MTR: variants seen among roughly 807,000 people sequenced by gnomAD.
MTR encodes the protein 5-methyltetrahydrofolate-homocysteine methyltransferase, also known as methionine synthase.
Under a neutral mutation model 154.8 loss-of-function variants are expected in MTR, and 84 were observed. The observed-to-expected ratio is 0.54, with a 90% CI of 0.45 to 0.65. The LOEUF is 0.65. Ranked by LOEUF, MTR falls within the 30% of genes least tolerant of loss-of-function variation. The pLI is 0.00. For synonymous variants in MTR, 554 were observed against 553.9 expected (o/e 1.00, Z 0.00); for missense variants, 1,275 against 1,570.2 (o/e 0.81, Z 3.18).
intron 13 of MTR, among the ~76,000 whole-genome samples, chr1:236,833,211 T>G (rs1662715102): frequency 6.6e-6 from 1 of 152,228 alleles, no homozygotes; most frequent in Non-Finnish European, 1.5e-5. Context: ...CCTAGCCATA[T>G]AGTGTTCTTC....
At chr1:236,893,356 G>C (rs1273124186) in intron 29 of MTR, among the ~76,000 whole-genome samples, 1 of 152,198 alleles carries the variant, frequency 6.6e-6, no homozygotes, top group Non-Finnish European at 1.5e-5. Flanking sequence ...TGTGAAGTGT[G>C]TGGGTTGGCC....
chr1:236,863,582 C>A, intron 22 of MTR, 28 bp downstream of exon 22: 1 of 1,578,756 alleles, frequency 6.3e-7, no homozygotes, highest in Non-Finnish European at 8.7e-7. Flanking sequence ...CTCTTTCAAC[C>A]CCTTTTCCAT....
chr1:236,892,780 C>A (rs536905256), intron 29 of MTR, among the ~76,000 whole-genome samples: 1 of 152,312 alleles, frequency 6.6e-6, no homozygotes, highest in East Asian at 1.9e-4. Context: ...ACAGACATAA[C>A]TGTTCAAAAA....
intron 22 of MTR, among the ~76,000 whole-genome samples, chr1:236,869,225 A>G (rs191510392): frequency 6.6e-6 from 1 of 152,362 alleles, no homozygotes; most frequent in Non-Finnish European, 1.5e-5. Flanking sequence ...TTTGTCTTAC[A>G]TTACAGTATT....
At chr1:236,885,255 T>C (rs1665952190) in intron 26 of MTR, 36 bp downstream of exon 26, 1 of 1,334,578 alleles carries the variant, frequency 7.5e-7, no homozygotes, top group Non-Finnish European at 1.1e-6. Context: ...TTGTTTTTAA[T>C]GTGACTGTTT....
Position 236,890,791 on chromosome 1 carries a change from C to T in MTR, c.3008-342C>T, listed in dbSNP as rs138106913. Among the ~76,000 whole-genome samples, 12 of 152,300 alleles carry T rather than the reference C, an allele frequency of 7.9e-5. No homozygotes were observed. The East Asian group carries it at 2.1e-3, about 27-fold the overall frequency. ...CAAAGTCAGTGGAGTTGTATGTGCA[C>T]GAGGAATGTCAGTGAGGAATGTGGC... On this transcript the variant is annotated intron_variant, in intron 28 of 32. Transcript: ENST00000366577.
intron 18 of MTR, among the ~76,000 whole-genome samples, chr1:236,858,082 C>T (rs138198412): frequency 2.0e-5 from 3 of 152,196 alleles, no homozygotes; most frequent in Non-Finnish European, 4.4e-5. Context: ...TGAAGCTTGT[C>T]GGGAATGGCA....
In MTR at chr1:236,901,748, A is replaced by G. The variant is rs372170880; in HGVS notation, c.*4104A>G. ...AAGCTTGCTCTCTGGCCTCCTCTTA[A>G]AAAGGCACTAATCCCATTCATGAGG... On this transcript the variant is annotated 3_prime_UTR_variant, in exon 33 of 33. Coordinates refer to ENST00000366577, the MANE Select transcript of MTR (RefSeq NM_000254.3). 1 of 152,134 alleles carries G rather than the reference A, an allele frequency of 6.6e-6. No individual in the cohort carries two copies. The highest frequency in any genetic ancestry group is 1.5e-5 in the Non-Finnish European group (1 of 68,028). The allele number at this position is 152,134 out of a possible 1,614,324, so 9.4% of individuals were successfully genotyped here. A position where few individuals can be genotyped will look rare whatever the true frequency, so the allele number is the denominator to read the frequency against.
chr1:236,882,377 C>CA (rs1665784798), intron 25 of MTR, among the ~76,000 whole-genome samples: 3 of 141,840 alleles, frequency 2.1e-5, no homozygotes, highest in South Asian at 4.6e-4. Context: ...GTTTGGAGGA[C>CA]AAACCCCTTC....
At chr1:236,808,581 C>T in intron 3 of MTR, 123 bp from the exon 4 acceptor site, 1 of 954,892 alleles carries the variant, frequency 1.0e-6, no homozygotes, top group Non-Finnish European at 1.7e-6. Flanking sequence ...TTCACTCAGA[C>T]CTCAGATTAA....
At chr1:236,822,609 C>G (rs1046985815) in intron 8 of MTR, among the ~76,000 whole-genome samples, 2 of 152,046 alleles carry the variant, frequency 1.3e-5, no homozygotes, top group Non-Finnish European at 2.9e-5. Flanking sequence ...TGTGCCTGTC[C>G]TGTGTTTTTA....
At chr1:236,853,188 C>G in intron 18 of MTR, 100 bp downstream of exon 18, 1 of 1,329,554 alleles carries the variant, frequency 7.5e-7, no homozygotes, top group Non-Finnish European at 1.1e-6. Flanking sequence ...AAGCAAATAT[C>G]GAATCATATA....
intron 8 of MTR, among the ~76,000 whole-genome samples, chr1:236,817,620 C>A (rs907956479): frequency 2.6e-5 from 4 of 152,122 alleles, no homozygotes; most frequent in African/African-American, 9.7e-5. Context: ...GGTTGTAACT[C>A]GCCCAAGGTG....
At chr1:236,892,260 C>G (rs1027090589) in intron 29 of MTR, among the ~76,000 whole-genome samples, 1 of 152,106 alleles carries the variant, frequency 6.6e-6, no homozygotes, top group African/African-American at 2.4e-5. Context: ...TTGCTTGAGC[C>G]TAGGAGTTTG....
At chr1:236,828,987 A>C (rs1330637582) in intron 11 of MTR, among the ~76,000 whole-genome samples, 1 of 152,158 alleles carries the variant, frequency 6.6e-6, no homozygotes, top group Non-Finnish European at 1.5e-5. Context: ...CATAAAAGGT[A>C]CAGTTTATAG....
chr1:236,835,429 C>T (rs1662849616), intron 13 of MTR, 118 bp from the exon 14 acceptor site: 3 of 1,286,804 alleles, frequency 2.3e-6, no homozygotes, highest in Admixed American at 3.5e-5. Context: ...GTCAGGGAGT[C>T]TGGCGAGGTA....
At chr1:236,871,589 T>TCC (rs1665135401) in intron 22 of MTR, among the ~76,000 whole-genome samples, 1 of 152,216 alleles carries the variant, frequency 6.6e-6, no homozygotes, top group East Asian at 1.9e-4. Context: ...TTTCCTAGTT[T>TCC]TATATGTGAC....
chr1:236,838,070 G>A (rs1373316577), intron 14 of MTR, among the ~76,000 whole-genome samples: 1 of 152,180 alleles, frequency 6.6e-6, no homozygotes, highest in African/African-American at 2.4e-5. Flanking sequence ...AGTCAGATCA[G>A]GGATGTCTGA....
intron 15 of MTR, among the ~76,000 whole-genome samples, chr1:236,843,350 G>A (rs1663374812): frequency 6.6e-6 from 1 of 152,132 alleles, no homozygotes; most frequent in Non-Finnish European, 1.5e-5. Flanking sequence ...AACCAACAGG[G>A]AAGCCAGAGT....
Sources: gnomAD v4.1 joint callset for allele counts (sites outside exome capture counted in the v4.1 genomes callset) on GRCh38, gnomAD v4.1.1 for gene constraint, MANE v1.5 for transcripts, NCBI Gene and HGNC (gene_info 2026-07-23, HGNC 2026-07-21) for gene names.